URAD: variants seen among roughly 807,000 people sequenced by gnomAD.
URAD encodes putative 2-oxo-4-hydroxy-4-carboxy-5-ureidoimidazoline decarboxylase.
In URAD, 4 loss-of-function variants were observed where a neutral mutation model predicts 4.6. The observed-to-expected ratio is 0.87, with a 90% CI of 0.43 to 1.98. URAD has a LOEUF of 1.98. Among genes scored for constraint, URAD ranks in the 30% most tolerant of loss-of-function variants. The pLI is 0.03. For missense variants in URAD, 300 were observed against 255.3 expected (o/e 1.18, Z -1.19); for synonymous variants, 144 against 118.2 (o/e 1.22, Z -1.41).
chr13:27,986,915 C>T (rs929474296), intron 1 of URAD, among the ~76,000 whole-genome samples: 2 of 152,166 alleles, frequency 1.3e-5, no homozygotes, highest in African/African-American at 4.8e-5. Flanking sequence ...GGTCAGAAAG[C>T]TCCAGTGATG....
chr13:27,980,019 A>G (rs1593190324), intron 1 of URAD, among the ~76,000 whole-genome samples: 1 of 152,298 alleles, frequency 6.6e-6, no homozygotes, highest in Non-Finnish European at 1.5e-5. Flanking sequence ...GAAAGTTCAA[A>G]ACGAAAGTCA....
At position 27,978,216 on chromosome 13, in the gene URAD, G is replaced by A; in HGVS notation, c.412C>T (p.Arg138Trp). The change falls in exon 2 of 2, where the codon CGG (arginine) becomes TGG (tryptophan). Residue 138 changes from arginine (R) to tryptophan (W), a missense_variant. Arg to Trp is a moderately radical substitution (Grantham distance 101). Coordinates refer to ENST00000332715, the MANE Select transcript of URAD (RefSeq NM_001105577.2). ...RTAVPRELAR[R>W]LLCPSAQELR... The stretch of plus-strand genomic sequence containing the variant: ...TCCTGCGCGGACGGGCAGAGCAGCC[G>A]GCGCGCCAGCTCGCGCGGCACCGCC... The A allele has an allele frequency of 6.8e-7, 1 of 1,477,608 alleles. No homozygotes were observed. Among genetic ancestry groups the A allele is most frequent in the South Asian group, 1.3e-5 (1 of 76,238 alleles). The allele number at this position is 1,477,608 out of a possible 1,614,324, so 91.5% of individuals were successfully genotyped here.
At chr13:27,983,058 A>G (rs988242038) in intron 1 of URAD, among the ~76,000 whole-genome samples, 19 of 152,022 alleles carry the variant, frequency 1.2e-4, no homozygotes, top group African/African-American at 4.6e-4. Context: ...AACCCCAGTG[A>G]CCCATTGCAC....
At position 27,978,273 on chromosome 13, in the gene URAD, A is replaced by C; in HGVS notation, c.355T>G (p.Phe119Val). 1 of 1,427,376 alleles carries C rather than the reference A, an allele frequency of 7.0e-7. No individual in the cohort carries two copies. Among genetic ancestry groups the C allele is most frequent in the Non-Finnish European group, 9.1e-7 (1 of 1,100,036 alleles). The allele number at this position is 1,427,376 out of a possible 1,614,324, so 88.4% of individuals were successfully genotyped here. The change falls in exon 2 of 2, where the codon TTC becomes GTC. Residue 119 changes from phenylalanine (F) to valine (V), a missense_variant. Coordinates refer to ENST00000332715, the MANE Select transcript of URAD (RefSeq NM_001105577.2). ...AQYRARFGFP[F>V]VLAARFSDRT... ...TCGCTGAAGCGCGCGGCGAGCACGA[A>C]GGGGAAACCGAAGCGCGCGCGGTAC...
chr13:27,986,130 G>A (rs898328037), intron 1 of URAD, among the ~76,000 whole-genome samples: 1 of 152,090 alleles, frequency 6.6e-6, no homozygotes, highest in Admixed American at 6.5e-5. Flanking sequence ...ACCAACAACC[G>A]TCCAGGGGGC....
intron 1 of URAD, among the ~76,000 whole-genome samples, chr13:27,981,900 C>G (rs1343514599): frequency 6.6e-6 from 1 of 152,178 alleles, no homozygotes; most frequent in Non-Finnish European, 1.5e-5. Flanking sequence ...CCCTGTTGCT[C>G]TCTTGTTTCT....
At position 27,978,058 on chromosome 13, in the gene URAD, C is replaced by T. The variant is rs1292208475; in HGVS notation, c.*48G>A. On this transcript the variant is annotated 3_prime_UTR_variant, in exon 2 of 2. Coordinates refer to ENST00000332715, the MANE Select transcript of URAD (RefSeq NM_001105577.2). Reference sequence around the variant, plus strand: ...CAGGACGCACAGCTCCGGGCCGTGGCCCCCGCGCGTCCGGTTGTGCGTCCC... The same window carrying T: ...CAGGACGCACAGCTCCGGGCCGTGGTCCCCGCGCGTCCGGTTGTGCGTCCC... 1.1e-5 allele frequency: 15 copies of T among 1,386,006 alleles called. No homozygotes were observed. The allele number at this position is 1,386,006 out of a possible 1,614,324, so 85.9% of individuals were successfully genotyped here. A position where few individuals can be genotyped will look rare whatever the true frequency, so the allele number is the denominator to read the frequency against.
intron 1 of URAD, among the ~76,000 whole-genome samples, chr13:27,981,816 C>T (rs1193411016): frequency 6.6e-6 from 1 of 152,210 alleles, no homozygotes; most frequent in Non-Finnish European, 1.5e-5. Context: ...CCCCACACCA[C>T]TTACCCTTAT....
At chr13:27,985,455 C>T (rs1318564695) in intron 1 of URAD, among the ~76,000 whole-genome samples, 2 of 152,050 alleles carry the variant, frequency 1.3e-5, no homozygotes, top group African/African-American at 2.4e-5. Context: ...GAGCCTCTAC[C>T]TCAATTAAAA....
chr13:27,982,643 C>T (rs1869909726), intron 1 of URAD, among the ~76,000 whole-genome samples: 1 of 152,158 alleles, frequency 6.6e-6, no homozygotes, highest in African/African-American at 2.4e-5. Context: ...CTCAGTGTTT[C>T]ACCAAGCTCC....
rs763927581 is a variant in URAD, at chr13:27,978,199, G to C, written c.429C>G (p.Ser143=). 6.7e-7 allele frequency: 1 copy of C among 1,498,190 alleles called. No homozygotes were observed. Among genetic ancestry groups the C allele is most frequent in the Non-Finnish European group, 8.8e-7 (1 of 1,135,844 alleles). The allele number at this position is 1,498,190 out of a possible 1,614,324, so 92.8% of individuals were successfully genotyped here. A position where few individuals can be genotyped will look rare whatever the true frequency, so the allele number is the denominator to read the frequency against. Residue 143 remains serine (S), a synonymous_variant, in exon 2 of 2, where the codon TCC becomes TCG. Transcript: ENST00000332715. The stretch of plus-strand genomic sequence containing the variant: ...CCAGAGCAGTGCGCAGCTCCTGCGC[G>C]GACGGGCAGAGCAGCCGGCGCGCCA... ...RELARRLLCP[S]AQELRTALGE...
intron 1 of URAD, among the ~76,000 whole-genome samples, chr13:27,984,528 T>A (rs549911596): frequency 2.6e-5 from 4 of 152,214 alleles, no homozygotes; most frequent in Non-Finnish European, 5.9e-5. Context: ...TTTCTGTTAA[T>A]GGTGGAGGTT....
intron 1 of URAD, among the ~76,000 whole-genome samples, chr13:27,987,830 C>T (rs749374296): frequency 6.6e-6 from 1 of 152,112 alleles, no homozygotes; most frequent in Non-Finnish European, 1.5e-5. Context: ...CTTACTGAAC[C>T]TTCCAAAGGA....
chr13:27,979,937 C>T (rs1284815936), intron 1 of URAD, among the ~76,000 whole-genome samples: 1 of 152,208 alleles, frequency 6.6e-6, no homozygotes, highest in Non-Finnish European at 1.5e-5. Context: ...GGGTCACTCA[C>T]CACACTGCGC....
intron 1 of URAD, among the ~76,000 whole-genome samples, chr13:27,978,934 T>A (rs532921291): frequency 2.0e-5 from 3 of 152,056 alleles, no homozygotes; most frequent in South Asian, 4.2e-4. Flanking sequence ...GAAGACTTCC[T>A]GCAAAAGCTC....
At chr13:27,980,076 T>C (rs1314918378) in intron 1 of URAD, among the ~76,000 whole-genome samples, 1 of 152,202 alleles carries the variant, frequency 6.6e-6, no homozygotes, top group African/African-American at 2.4e-5. Flanking sequence ...TTTTGTTTTT[T>C]GTGTGTTTTT....
In URAD at chr13:27,978,156, C is replaced by A. The variant is rs774894906; in HGVS notation, c.472G>T (p.Gly158Cys). 6.5e-7 allele frequency: 1 copy of A among 1,534,256 alleles called. No homozygotes were observed. Among genetic ancestry groups the A allele is most frequent in the South Asian group, 1.2e-5 (1 of 83,256 alleles). ...RTALGEVKKI[G>C]SLRLADLLRA... ...AGGAGGTCGGCCAGGCGCAGGCTGC[C>A]GATCTTCTTCACCTCGCCCAGAGCA... The change falls in exon 2 of 2, where the codon GGC becomes TGC. Residue 158 changes from glycine (G) to cysteine (C), a missense_variant. By Grantham distance (159) the Gly-to-Cys change is radical. Coordinates refer to ENST00000332715, the MANE Select transcript of URAD (RefSeq NM_001105577.2).
At chr13:27,983,892 TAAAC>T in intron 1 of URAD, among the ~76,000 whole-genome samples, 1 of 152,326 alleles carries the variant, frequency 6.6e-6, no homozygotes, top group Non-Finnish European at 1.5e-5. Flanking sequence ...GTTTTCTGAA[TAAAC>T]AAACACATTT....
chr13:27,979,855 G>A (rs942904699), intron 1 of URAD, among the ~76,000 whole-genome samples: 6 of 152,196 alleles, frequency 3.9e-5, no homozygotes, highest in African/African-American at 1.4e-4. Flanking sequence ...GAAAGACACG[G>A]AGAACTGGGG....
Sources: allele counts gnomAD v4.1 joint callset (sites outside exome capture counted in the v4.1 genomes callset), GRCh38; gene constraint gnomAD v4.1.1; transcripts MANE v1.5; gene names NCBI Gene and HGNC (gene_info 2026-07-23, HGNC 2026-07-21).